JCAD: variants seen among roughly 807,000 people sequenced by gnomAD.
JCAD encodes the protein junctional cadherin 5 associated.
Under a neutral mutation model 98.0 loss-of-function variants are expected in JCAD, and 40 were observed. The observed-to-expected ratio is 0.41, with a 90% CI of 0.32 to 0.53. The LOEUF is 0.53. JCAD is among the 20% of genes least tolerant of loss of function. The probability of loss-of-function intolerance (pLI) is 0.31; values close to 1 mark genes in which losing one functional copy is unlikely to be tolerated. For missense variants in JCAD, 1,705 were observed against 1,738.1 expected (o/e 0.98, Z 0.34); for synonymous variants, 691 against 682.3 (o/e 1.01, Z -0.20).
intron 1 of JCAD, among the ~76,000 whole-genome samples, chr10:30,079,285 T>TG (rs1290121013): frequency 7.0e-6 from 1 of 143,836 alleles, no homozygotes; most frequent in African/African-American, 2.6e-5. Context: ...AAGCGGAGCT[T>TG]GCAGTGAGCC....
Position 30,016,201 on chromosome 10 carries a change from G to T in JCAD, c.*1682C>A, listed in dbSNP as rs970866115. The T allele has an allele frequency of 6.6e-6, 1 of 152,160 alleles. No individual in the cohort carries two copies. Among genetic ancestry groups the T allele is most frequent in the Non-Finnish European group, 1.5e-5 (1 of 68,042 alleles). The allele number at this position is 152,160 out of a possible 1,614,324, so 9.4% of individuals were successfully genotyped here. A position where few individuals can be genotyped will look rare whatever the true frequency, so the allele number is the denominator to read the frequency against. ...ACAGGCCGGGACAGCCCGGCCAGCC[G>T]TTTTAGGGCCAAAGGACAGATCACC... On this transcript the variant is annotated 3_prime_UTR_variant, in exon 4 of 4. Transcript: ENST00000375377.
intron 1 of JCAD, among the ~76,000 whole-genome samples, chr10:30,080,467 C>T (rs1838061841): frequency 6.6e-6 from 1 of 152,204 alleles, no homozygotes; most frequent in African/African-American, 2.4e-5. Context: ...GTCTGGGGCT[C>T]TTCTGTTGGC....
In JCAD at chr10:30,047,530, A is replaced by AC; in HGVS notation, c.281+1dup. On this transcript the variant is annotated splice_donor_variant, in intron 2 of 3. Transcript: ENST00000375377. LOFTEE classifies it high-confidence loss of function. ...AAACGGTGGGTTCACAGTGAAACTT[A>AC]CCCCGCCTCCGAGGTTCTGGAAGCA... The AC allele has an allele frequency of 6.2e-7, 1 of 1,609,370 alleles. No homozygotes were observed. The highest frequency in any genetic ancestry group is 8.5e-7 in the Non-Finnish European group (1 of 1,178,410).
chr10:30,066,117 G>A (rs905492712), intron 2 of JCAD, among the ~76,000 whole-genome samples: 6 of 152,198 alleles, frequency 3.9e-5, no homozygotes, highest in Non-Finnish European at 7.3e-5. Context: ...GACAGTAGCC[G>A]TGAACGTCAT....
At chr10:30,049,019 A>G (rs976793213) in intron 1 of JCAD, among the ~76,000 whole-genome samples, 1 of 152,232 alleles carries the variant, frequency 6.6e-6, no homozygotes, top group Non-Finnish European at 1.5e-5. Context: ...GCACAAAACA[A>G]GAGTACCCAC....
At chr10:30,114,789 G>A (rs1838763292) in intron 1 of JCAD, among the ~76,000 whole-genome samples, 1 of 151,618 alleles carries the variant, frequency 6.6e-6, no homozygotes, top group South Asian at 2.1e-4. Flanking sequence ...GAAAATATGA[G>A]ATAATAGAAC....
intron 1 of JCAD, among the ~76,000 whole-genome samples, chr10:30,106,571 G>T (rs1434813190): frequency 1.3e-5 from 2 of 152,188 alleles, no homozygotes; most frequent in Non-Finnish European, 2.9e-5. Context: ...CACTATCTCG[G>T]CTTACCGCAA....
intron 1 of JCAD, among the ~76,000 whole-genome samples, chr10:30,113,247 A>T (rs1031264485): frequency 6.6e-6 from 1 of 151,996 alleles, no homozygotes; most frequent in African/African-American, 2.4e-5. Context: ...AACCTCGGTG[A>T]GGTACGCAAA....
intron 1 of JCAD, among the ~76,000 whole-genome samples, chr10:30,053,641 AT>A (rs1200249338): frequency 6.6e-6 from 1 of 152,106 alleles, no homozygotes; most frequent in African/African-American, 2.4e-5. Flanking sequence ...CTATGGAATA[AT>A]CTCACTTCTT....
chr10:30,115,113 G>A (rs1055602443), intron 1 of JCAD, among the ~76,000 whole-genome samples: 1 of 152,122 alleles, frequency 6.6e-6, no homozygotes, highest in Non-Finnish European at 1.5e-5. Context: ...AACCAAATGC[G>A]ATGCGGCGAC....
rs966119606 is a variant in JCAD, at chr10:30,014,591, A to T, written c.*3292T>A. ...CAAGATGAAATGGTAGGTGAATGTTATCTTCTATCAGCCCCTTTTGCCTCC... is the reference window on the plus strand; with the variant it reads ...CAAGATGAAATGGTAGGTGAATGTTTTCTTCTATCAGCCCCTTTTGCCTCC... On this transcript the variant is annotated 3_prime_UTR_variant, in exon 4 of 4. Coordinates refer to ENST00000375377, the MANE Select transcript of JCAD (RefSeq NM_020848.4). 53 of 152,330 alleles carry T rather than the reference A, an allele frequency of 3.5e-4. No individual in the cohort carries two copies. The highest frequency in any genetic ancestry group is 1.2e-3 in the African/African-American group (51 of 41,584). 9.4% of individuals were successfully genotyped at this position (152,330 alleles called of 1,614,324 possible).
chr10:30,028,301 C>A lies in JCAD; in HGVS notation c.1847G>T (p.Ser616Ile), dbSNP rs192458885. 130 of 1,614,236 alleles carry A rather than the reference C, an allele frequency of 8.1e-5. No individual in the cohort carries two copies. The African/African-American group carries it at 1.5e-3, about 19-fold the overall frequency. ...SADQKNGSDK[S>I]PALQEQSLLS... ...CAGACTCTGTTCTTGCAGAGCCGGG[C>A]TCTTATCAGACCCATTCTTTTGATC... Residue 616 changes from serine (S) to isoleucine (I), a missense_variant, in exon 3 of 4, where the codon AGC becomes ATC. Physicochemically the swap from Ser to Ile is moderately radical, Grantham distance 142. This residue lies in a region of JCAD where 1,278 missense variants were observed against 1,243.1 expected (regional missense o/e 1.03). Transcript: ENST00000375377.
At chr10:30,085,857 G>A (rs11596221) in intron 1 of JCAD, among the ~76,000 whole-genome samples, 5,748 of 152,270 alleles carry the variant, frequency 0.038, 152 homozygotes, top group Non-Finnish European at 0.057. Context: ...TGCATAGCAG[G>A]AATGTATGAC....
chr10:30,013,790 A>G lies in JCAD; in HGVS notation c.*4093T>C, dbSNP rs1836476444. 6.6e-6 allele frequency: 1 copy of G among 152,244 alleles called. No individual in the cohort carries two copies. Among genetic ancestry groups the G allele is most frequent in the African/African-American group, 2.4e-5 (1 of 41,460 alleles). The allele number at this position is 152,244 out of a possible 1,614,324, so 9.4% of individuals were successfully genotyped here. A position where few individuals can be genotyped will look rare whatever the true frequency, so the allele number is the denominator to read the frequency against. ...AAGTTTCAGTCACTAAACAGAGACC[A>G]CAGAACAAGGACCTCCCTGTCCTCT... On this transcript the variant is annotated 3_prime_UTR_variant, in exon 4 of 4. Coordinates refer to ENST00000375377, the MANE Select transcript of JCAD (RefSeq NM_020848.4).
chr10:30,023,583 G>T (rs554458091), intron 3 of JCAD, among the ~76,000 whole-genome samples: 1 of 152,096 alleles, frequency 6.6e-6, no homozygotes, highest in Non-Finnish European at 1.5e-5. Context: ...ATTAAGCGAC[G>T]CATGACTGTA....
chr10:30,045,458 ACT>A (rs887827472), intron 2 of JCAD, among the ~76,000 whole-genome samples: 3 of 152,178 alleles, frequency 2.0e-5, no homozygotes, highest in African/African-American at 7.2e-5. Context: ...GTACTGTAAG[ACT>A]CTGTACAAGA....
At chr10:30,032,289 A>G (rs1452061934) in intron 2 of JCAD, among the ~76,000 whole-genome samples, 1 of 152,146 alleles carries the variant, frequency 6.6e-6, no homozygotes, top group Non-Finnish European at 1.5e-5. Flanking sequence ...CCCATCTCCA[A>G]ATATTTGGAT....
chr10:30,092,489 G>C (rs1199883969), intron 1 of JCAD, among the ~76,000 whole-genome samples: 5 of 152,018 alleles, frequency 3.3e-5, no homozygotes, highest in Non-Finnish European at 5.9e-5. Context: ...AAGCTAGCAG[G>C]CCAATGCGTT....
At chr10:30,044,786 T>G in intron 2 of JCAD, 1 of 984,320 alleles carries the variant, frequency 1.0e-6, no homozygotes, top group Non-Finnish European at 1.2e-6. Context: ...ATGCCTACCT[T>G]TCTGTTTCCC....
Sources: gnomAD v4.1 joint callset for allele counts (sites outside exome capture counted in the v4.1 genomes callset) on GRCh38, gnomAD v4.1.1 for gene constraint, gnomAD v4.1.1 regional missense constraint, MANE v1.5 for transcripts, NCBI Gene and HGNC (gene_info 2026-07-23, HGNC 2026-07-21) for gene names.